LHFPL3: variants seen among roughly 807,000 people sequenced by gnomAD.
LHFPL3 encodes LHFPL tetraspan subfamily member 3 protein.
In LHFPL3, 5 loss-of-function variants were observed where a neutral mutation model predicts 19.3. The ratio of observed to expected loss-of-function variants is 0.26; its 90% CI spans 0.14 to 0.54. The LOEUF is 0.54. LHFPL3 is among the 20% of genes least tolerant of loss of function. The probability of loss-of-function intolerance (pLI) is 0.94; values close to 1 mark genes in which losing one functional copy is unlikely to be tolerated. For synonymous variants in LHFPL3, 133 were observed against 126.2 expected (o/e 1.05, Z -0.36); for missense variants, 249 against 307.4 (o/e 0.81, Z 1.42).
At chr7:104,745,977 A>G (rs919211826) in intron 2 of LHFPL3, among the ~76,000 whole-genome samples, 5 of 152,336 alleles carry the variant, frequency 3.3e-5, no homozygotes, top group Admixed American at 2.0e-4. Flanking sequence ...TGACAGAGGC[A>G]GAGAGGCCCT....
At chr7:104,565,657 C>G (rs895955926) in intron 1 of LHFPL3, among the ~76,000 whole-genome samples, 1 of 151,944 alleles carries the variant, frequency 6.6e-6, no homozygotes, top group African/African-American at 2.4e-5. Flanking sequence ...CTTCATCTTA[C>G]TGGATAACAG....
intron 1 of LHFPL3, among the ~76,000 whole-genome samples, chr7:104,350,851 C>T (rs1790159662): frequency 6.6e-6 from 1 of 152,028 alleles, no homozygotes; most frequent in African/African-American, 2.4e-5. Context: ...ACCAGCCTGG[C>T]CAACATGGTG....
At chr7:104,374,528 C>G (rs1335185987) in intron 1 of LHFPL3, among the ~76,000 whole-genome samples, 2 of 152,150 alleles carry the variant, frequency 1.3e-5, no homozygotes, top group African/African-American at 4.8e-5. Flanking sequence ...GTGAGAGCCA[C>G]TGCACCCAGC....
chr7:104,571,057 G>T (rs1275567058), intron 1 of LHFPL3, among the ~76,000 whole-genome samples: 1 of 152,288 alleles, frequency 6.6e-6, no homozygotes, highest in South Asian at 2.1e-4. Context: ...ATGTGAGTCA[G>T]AATAGCATCT....
At chr7:104,880,564 CT>C (rs1308635022) in intron 2 of LHFPL3, among the ~76,000 whole-genome samples, 1 of 152,090 alleles carries the variant, frequency 6.6e-6, no homozygotes, top group African/African-American at 2.4e-5. Context: ...TCTAAATCTA[CT>C]CTGCCTGAGC....
chr7:104,729,302 T>C (rs1793646314), intron 1 of LHFPL3, among the ~76,000 whole-genome samples: 1 of 152,192 alleles, frequency 6.6e-6, no homozygotes, highest in South Asian at 2.1e-4. Context: ...ATATATATAG[T>C]GTAAAAATTA....
intron 1 of LHFPL3, among the ~76,000 whole-genome samples, chr7:104,489,474 C>T (rs1793299019): frequency 6.6e-6 from 1 of 151,528 alleles, no homozygotes; most frequent in Admixed American, 6.6e-5. Flanking sequence ...CTTATGCTTT[C>T]CATTTCAGCT....
intron 1 of LHFPL3, among the ~76,000 whole-genome samples, chr7:104,341,934 A>C (rs956869681): frequency 6.6e-6 from 1 of 152,238 alleles, no homozygotes; most frequent in African/African-American, 2.4e-5. Context: ...ACACAGTAGA[A>C]GGGAAAGCTC....
intron 1 of LHFPL3, among the ~76,000 whole-genome samples, chr7:104,654,446 G>A (rs1792087935): frequency 1.3e-5 from 2 of 152,100 alleles, no homozygotes; most frequent in Admixed American, 1.3e-4. Flanking sequence ...GTTATAGTGG[G>A]GAAGTTCCAA....
intron 2 of LHFPL3, among the ~76,000 whole-genome samples, chr7:104,811,403 GT>G (rs1790468266): frequency 6.6e-6 from 1 of 152,012 alleles, no homozygotes; most frequent in Non-Finnish European, 1.5e-5. Context: ...GTCTCACCAA[GT>G]TTCCCAGGCT....
intron 2 of LHFPL3, among the ~76,000 whole-genome samples, chr7:104,759,368 T>A (rs1794337060): frequency 1.3e-5 from 2 of 150,294 alleles, no homozygotes; most frequent in Admixed American, 6.6e-5. Context: ...ACAGTTTAAA[T>A]TTTTTTTTAA....
At chr7:104,550,828 T>G (rs1408461485) in intron 1 of LHFPL3, among the ~76,000 whole-genome samples, 1 of 152,202 alleles carries the variant, frequency 6.6e-6, no homozygotes, top group Non-Finnish European at 1.5e-5. Flanking sequence ...TATTCTAGAT[T>G]TTCCTTTAAA....
At chr7:104,570,223 C>G (rs957103785) in intron 1 of LHFPL3, among the ~76,000 whole-genome samples, 1 of 152,214 alleles carries the variant, frequency 6.6e-6, no homozygotes, top group Non-Finnish European at 1.5e-5. Flanking sequence ...CTATTTCCAT[C>G]TTTTGCCTGC....
intron 1 of LHFPL3, among the ~76,000 whole-genome samples, chr7:104,388,835 G>GAA (rs55998430): frequency 6.6e-6 from 1 of 151,636 alleles, no homozygotes; most frequent in Non-Finnish European, 1.5e-5. Context: ...TTTTATGGTG[G>GAA]AAAAAAAAGT....
At chr7:104,683,415 A>G (rs1301833130) in intron 1 of LHFPL3, among the ~76,000 whole-genome samples, 1 of 152,044 alleles carries the variant, frequency 6.6e-6, no homozygotes, top group African/African-American at 2.4e-5. Flanking sequence ...CTATTTTGTG[A>G]CTCTATCATA....
chr7:104,345,771 AT>A (rs1206722916), intron 1 of LHFPL3, among the ~76,000 whole-genome samples: 1 of 152,160 alleles, frequency 6.6e-6, no homozygotes, highest in Non-Finnish European at 1.5e-5. Flanking sequence ...ACAAAGTTAC[AT>A]TTAGCATAAT....
Position 104,906,249 on chromosome 7 carries a change from C to T in LHFPL3, c.*34C>T, listed in dbSNP as rs1221825449. ...CAAATCGAATAACAGCTAAACAAAT[C>T]GAATAACAGCTAAACGAATCGAATA... On this transcript the variant is annotated 3_prime_UTR_variant, in exon 3 of 3. Coordinates refer to ENST00000424859, the MANE Select transcript of LHFPL3 (RefSeq NM_199000.3). 3.1e-6 allele frequency: 5 copies of T among 1,595,932 alleles called. No homozygotes were observed. Among genetic ancestry groups the T allele is most frequent in the South Asian group, 2.3e-5 (2 of 88,112 alleles).
chr7:104,472,805 C>A (rs1407621602), intron 1 of LHFPL3, among the ~76,000 whole-genome samples: 1 of 152,114 alleles, frequency 6.6e-6, no homozygotes, highest in East Asian at 1.9e-4. Flanking sequence ...TGGTTACTAT[C>A]CCTTAAGTCT....
chr7:104,698,108 G>C (rs1285253103), intron 1 of LHFPL3, among the ~76,000 whole-genome samples: 1 of 152,156 alleles, frequency 6.6e-6, no homozygotes, highest in Admixed American at 6.5e-5. Flanking sequence ...ATTTCAGTCA[G>C]GGCCTTAGTG....
Sources: gnomAD v4.1 joint callset for allele counts (sites outside exome capture counted in the v4.1 genomes callset) on GRCh38, gnomAD v4.1.1 for gene constraint, MANE v1.5 for transcripts, NCBI Gene and HGNC (gene_info 2026-07-23, HGNC 2026-07-21) for gene names.